Variants in SGO1 observed in about 807,000 individuals in gnomAD.
The protein encoded by SGO1 is serologically defined breast cancer antigen NY-BR-85.
Under a neutral mutation model 50.5 loss-of-function variants are expected in SGO1, and 39 were observed. The ratio of observed to expected loss-of-function variants is 0.77; its 90% CI spans 0.60 to 1.01. The LOEUF (loss-of-function observed/expected upper bound fraction) is 1.01, where lower values mean the gene tolerates loss of function less well. Ranked by LOEUF, SGO1 falls within the 50% of genes least tolerant of loss-of-function variation. The probability of loss-of-function intolerance (pLI) is 0.00; values close to 1 mark genes in which losing one functional copy is unlikely to be tolerated. For missense variants in SGO1, 638 were observed against 606.0 expected (o/e 1.05, Z -0.55); for synonymous variants, 191 against 205.1 (o/e 0.93, Z 0.59).
intron 3 of SGO1, among the ~76,000 whole-genome samples, chr3:20,182,719 A>G (rs1559374689): frequency 6.6e-6 from 1 of 152,142 alleles, no homozygotes; most frequent in Non-Finnish European, 1.5e-5. Flanking sequence ...CACAAAGAGA[A>G]TCAGATTAAA....
downstream of SGO1, among the ~76,000 whole-genome samples, chr3:20,166,842 C>CA (rs58288144): frequency 0.016 from 678 of 42,728 alleles, 33 homozygotes; most frequent in Non-Finnish European, 0.019. Flanking sequence ...CCATCTCTAC[C>CA]AAAAAAAAAA....
intron 7 of SGO1, 94 bp from the exon 8 acceptor site, chr3:20,170,909 A>C: frequency 1.3e-6 from 2 of 1,493,724 alleles, no homozygotes; most frequent in South Asian, 2.5e-5. Context: ...CACCAATTTT[A>C]AATGTTCTCA....
In SGO1 at chr3:20,174,647, T is replaced by C; in HGVS notation, c.884A>G (p.Lys295Arg). Residue 295 changes from lysine to arginine, a missense_variant, in exon 6 of 8, where the codon AAA becomes AGA. By Grantham distance (26) the Lys-to-Arg change is conservative (BLOSUM62 2). Transcript: ENST00000412997. ...TGATTTTCTCCTGTTAGCTTTTCTT[T>C]TCTCTTCTCTTTTTCTTTCTTGTGT... ...RDTQERKREE[K>R]RKANRRKSKR... The C allele has an allele frequency of 1.9e-6, 3 of 1,603,516 alleles. No individual in the cohort carries two copies. The highest frequency in any genetic ancestry group is 2.6e-6 in the Non-Finnish European group (3 of 1,175,790).
chr3:20,185,920 C>G (rs539125296), intron 1 of SGO1, 28 bp downstream of exon 1: 1 of 152,190 alleles, frequency 6.6e-6, no homozygotes, highest in Admixed American at 6.5e-5. Flanking sequence ...GGAAGTCAAA[C>G]AGGGATCACT....
chr3:20,177,527 T>G (rs1261388084), intron 4 of SGO1, among the ~76,000 whole-genome samples: 1 of 152,170 alleles, frequency 6.6e-6, no homozygotes, highest in African/African-American at 2.4e-5. Flanking sequence ...TCTGAAGTCA[T>G]TTTTTGTTCT....
At chr3:20,161,831 A>G (rs1700055545) in intron 8 of SGO1, among the ~76,000 whole-genome samples, 1 of 152,216 alleles carries the variant, frequency 6.6e-6, no homozygotes, top group Admixed American at 6.5e-5. Context: ...TTCTGCCTAT[A>G]AAGTCCTCTA....
Position 20,174,477 on chromosome 3 carries a change from C to CT in SGO1, c.1053dup (p.Val352SerfsTer4). The CT allele has an allele frequency of 1.2e-6, 2 of 1,614,138 alleles. No homozygotes were observed. The highest frequency in any genetic ancestry group is 1.7e-6 in the Non-Finnish European group (2 of 1,180,014). ...TCTTCTCTATTAGAGTCATTGCTCA[C>CT]TTTTTGTCGGAAAGGAGTAAGATGA... On this transcript the variant is annotated frameshift_variant, in exon 6 of 8. Transcript: ENST00000412997. LOFTEE classifies it high-confidence loss of function.
At chr3:20,180,968 A>G (rs59445378) in intron 3 of SGO1, among the ~76,000 whole-genome samples, 1 of 151,948 alleles carries the variant, frequency 6.6e-6, no homozygotes, top group Non-Finnish European at 1.5e-5. Flanking sequence ...CTCTACCCCC[A>G]ACAAAAAAAT....
intron 1 of SGO1, among the ~76,000 whole-genome samples, chr3:20,185,433 G>A (rs2125408273): frequency 6.6e-6 from 1 of 152,316 alleles, no homozygotes; most frequent in South Asian, 2.1e-4. Flanking sequence ...GTGGTAGACA[G>A]AAGGGATGAA....
At position 20,174,859 on chromosome 3, in the gene SGO1, T is replaced by C; in HGVS notation, c.672A>G (p.Glu224=). 6.2e-7 allele frequency: 1 copy of C among 1,614,010 alleles called. No homozygotes were observed. The highest frequency in any genetic ancestry group is 8.5e-7 in the Non-Finnish European group (1 of 1,179,988). The change falls in exon 6 of 8, where the codon GAA becomes GAG. Residue 224 remains glutamate, a synonymous_variant. Coordinates refer to ENST00000412997, the MANE Select transcript of SGO1 (RefSeq NM_001199251.3). ...CTAGTGGGTCTAAAAATCCAACTCTTTCGAATTCAAAAGACTTCCCTGCCA... is the reference window on the plus strand; with the variant it reads ...CTAGTGGGTCTAAAAATCCAACTCTCTCGAATTCAAAAGACTTCCCTGCCA... ...SHLAGKSFEF[E]RVGFLDPLVN... is the part of the protein sequence containing the mutation.
At chr3:20,168,704 A>G (rs1394125696), downstream of SGO1, among the ~76,000 whole-genome samples, 2 of 148,402 alleles carry the variant, frequency 1.3e-5, no homozygotes, top group African/African-American at 2.5e-5. Context: ...GTGCAGTGGC[A>G]CCATCTCGGC....
At position 20,183,895 on chromosome 3, in the gene SGO1, G is replaced by A; in HGVS notation, c.133C>T (p.Gln45Ter). 6.2e-7 allele frequency: 1 copy of A among 1,607,052 alleles called. No homozygotes were observed. ...KRRSFIAAPC[Q>*]IITNTSTLLK... is the part of the protein sequence containing the mutation. ...CATAAAAATCTCTTACTGATTATTT[G>A]GCATGGTGCAGCTATAAAAGACCTG... Residue 45 changes from glutamine (Q) to a stop codon, truncating the protein, a stop_gained, in exon 2 of 8, where the codon CAA becomes TAA. Transcript: ENST00000412997. LOFTEE classifies it high-confidence loss of function.
In SGO1 at chr3:20,169,562, T is replaced by C. The variant is rs1419262034; in HGVS notation, c.*1142A>G. On this transcript the variant is annotated 3_prime_UTR_variant, in exon 8 of 8. Coordinates refer to ENST00000412997, the MANE Select transcript of SGO1 (RefSeq NM_001199251.3). Reference sequence around the variant, plus strand: ...AAATTTAAAGAGGTATATACAAGTATAGACATCAAACTTTCTAAACTGAAC... The same window carrying C: ...AAATTTAAAGAGGTATATACAAGTACAGACATCAAACTTTCTAAACTGAAC... 2.6e-5 allele frequency: 26 copies of C among 985,030 alleles called. No individual in the cohort carries two copies. Among genetic ancestry groups the C allele is most frequent in the African/African-American group, 3.5e-5 (2 of 57,252 alleles). 61.0% of individuals were successfully genotyped at this position (985,030 alleles called of 1,614,324 possible). A position where few individuals can be genotyped will look rare whatever the true frequency, so the allele number is the denominator to read the frequency against.
chr3:20,182,148 G>A (rs1272934702), intron 3 of SGO1, among the ~76,000 whole-genome samples: 2 of 151,906 alleles, frequency 1.3e-5, no homozygotes, highest in Non-Finnish European at 2.9e-5. Flanking sequence ...CTTTATAGAG[G>A]CAGTTCTCAA....
downstream of SGO1, chr3:20,169,022 G>C (rs745378797): frequency 9.1e-6 from 9 of 984,412 alleles, no homozygotes; most frequent in Non-Finnish European, 1.1e-5. Context: ...AAGTATGAAG[G>C]GAGTAGTAAG....
At chr3:20,183,565 G>A in intron 3 of SGO1, 43 bp downstream of exon 3, 1 of 1,438,560 alleles carries the variant, frequency 7.0e-7, no homozygotes. Context: ...ACTTATTCAT[G>A]GCTTAACTAA....
chr3:20,169,319 T>C (rs1700488732), downstream of SGO1: 2 of 983,464 alleles, frequency 2.0e-6, no homozygotes, highest in South Asian at 9.4e-5. Flanking sequence ...GAGAGTTTTA[T>C]AGCAATGACT....
chr3:20,184,101 C>G, intron 1 of SGO1, 67 bp from the exon 2 acceptor site: 1 of 1,325,956 alleles, frequency 7.5e-7, no homozygotes. Flanking sequence ...AAAACATAGG[C>G]TGTTCATAAA....
At chr3:20,171,635 T>C (rs914560630) in intron 6 of SGO1, among the ~76,000 whole-genome samples, 4 of 152,240 alleles carry the variant, frequency 2.6e-5, no homozygotes, top group Admixed American at 6.5e-5. Context: ...TTGGGCATAA[T>C]AACTTTGTTT....
Sources: gnomAD v4.1 joint callset for allele counts (sites outside exome capture counted in the v4.1 genomes callset) on GRCh38, gnomAD v4.1.1 for gene constraint, MANE v1.5 for transcripts, NCBI Gene and HGNC (gene_info 2026-07-23, HGNC 2026-07-21) for gene names.